GSG1L: variants seen among roughly 807,000 people sequenced by gnomAD.
GSG1L encodes germ cell-specific gene 1-like protein.
A neutral mutation model predicts 42.1 loss-of-function variants in GSG1L; 24 were observed. The ratio of observed to expected loss-of-function variants is 0.57; its 90% CI spans 0.41 to 0.80. The LOEUF is 0.80. Ranked by LOEUF, GSG1L falls within the 30% of genes least tolerant of loss-of-function variation. The probability of loss-of-function intolerance (pLI) is 0.00; values close to 1 mark genes in which losing one functional copy is unlikely to be tolerated. For synonymous variants in GSG1L, 215 were observed against 203.5 expected (o/e 1.06, Z -0.48); for missense variants, 445 against 472.2 (o/e 0.94, Z 0.53).
intron 3 of GSG1L, among the ~76,000 whole-genome samples, chr16:27,857,693 C>T (rs1207145284): frequency 6.6e-6 from 1 of 152,098 alleles, no homozygotes; most frequent in Non-Finnish European, 1.5e-5. Context: ...TGGGCGGACT[C>T]CCCCTCCCTG....
chr16:27,849,216 A>T (rs1412563539), intron 3 of GSG1L, among the ~76,000 whole-genome samples: 1 of 148,310 alleles, frequency 6.7e-6, no homozygotes, highest in Non-Finnish European at 1.5e-5. Context: ...AAAAAAAAAA[A>T]AAAAAAAGAG....
chr16:27,929,004 C>T (rs1252182956), intron 2 of GSG1L, among the ~76,000 whole-genome samples: 3 of 152,236 alleles, frequency 2.0e-5, no homozygotes, highest in Non-Finnish European at 4.4e-5. Context: ...ATGTAAGTAT[C>T]TCTTCCAGAG....
intron 2 of GSG1L, among the ~76,000 whole-genome samples, chr16:27,904,059 T>C (rs2084292085): frequency 6.6e-6 from 1 of 152,104 alleles, no homozygotes; most frequent in African/African-American, 2.4e-5. Flanking sequence ...TGAAATGCTG[T>C]TCCCCTGTGT....
intron 5 of GSG1L, among the ~76,000 whole-genome samples, chr16:27,812,225 C>A (rs1484597821): frequency 6.6e-6 from 1 of 152,124 alleles, no homozygotes; most frequent in Non-Finnish European, 1.5e-5. Flanking sequence ...ACCACAGGGA[C>A]CACCCAGAAA....
In GSG1L at chr16:28,047,358, A is replaced by G. The variant is rs574904692; in HGVS notation, c.349+15718T>C. Among the ~76,000 whole-genome samples, 25 of 152,344 alleles carry G rather than the reference A, an allele frequency of 1.6e-4. No individual in the cohort carries two copies. In the South Asian group the frequency reaches 5.2e-3, roughly 32 times the overall value. On this transcript the variant is annotated intron_variant, in intron 1 of 6. Transcript: ENST00000447459. ...TATGCATGCTTTTTAAAACATTAGT[A>G]AAGAAAAAAAGAAGCAAAACCTAAT... is the stretch of plus-strand genomic sequence containing the variant.
intron 3 of GSG1L, among the ~76,000 whole-genome samples, chr16:27,880,847 A>G (rs1231083242): frequency 6.6e-6 from 1 of 151,848 alleles, no homozygotes; most frequent in Non-Finnish European, 1.5e-5. Context: ...TGCTTGGTGC[A>G]GGGGAAGAAA....
intron 6 of GSG1L, among the ~76,000 whole-genome samples, chr16:27,806,413 G>A (rs2082962795): frequency 6.6e-6 from 1 of 152,158 alleles, no homozygotes; most frequent in South Asian, 2.1e-4. Flanking sequence ...TTCTTAGTTT[G>A]GATTCCCCAG....
intron 1 of GSG1L, among the ~76,000 whole-genome samples, chr16:27,963,473 C>G (rs918821578): frequency 6.6e-6 from 1 of 152,134 alleles, no homozygotes; most frequent in East Asian, 1.9e-4. Context: ...AGCCTCCCCC[C>G]AGAATCCACG....
At chr16:28,034,909 C>G (rs1315035643) in intron 1 of GSG1L, among the ~76,000 whole-genome samples, 1 of 152,214 alleles carries the variant, frequency 6.6e-6, no homozygotes, top group Non-Finnish European at 1.5e-5. Context: ...TAGCAAATTA[C>G]TTCTCTGACT....
intron 5 of GSG1L, among the ~76,000 whole-genome samples, chr16:27,815,988 G>A (rs2083089563): frequency 6.6e-6 from 1 of 152,102 alleles, no homozygotes; most frequent in Non-Finnish European, 1.5e-5. Context: ...ATAAATAAAT[G>A]TAAAGCTCAA....
chr16:27,943,621 C>G (rs13380779), intron 2 of GSG1L, among the ~76,000 whole-genome samples: 3,915 of 114,504 alleles, frequency 0.034, 181 homozygotes, highest in African/African-American at 0.12. Flanking sequence ...GTCACCCAGA[C>G]TGAAGTGGAA....
intron 1 of GSG1L, among the ~76,000 whole-genome samples, chr16:28,049,390 G>C (rs991087846): frequency 9.9e-5 from 15 of 152,010 alleles, no homozygotes; most frequent in African/African-American, 3.6e-4. Context: ...GACTTAAGAA[G>C]TAGAAAACTG....
intron 2 of GSG1L, among the ~76,000 whole-genome samples, chr16:27,902,320 A>G (rs1249818026): frequency 6.6e-6 from 1 of 152,164 alleles, no homozygotes; most frequent in Non-Finnish European, 1.5e-5. Flanking sequence ...GCTGTCATGA[A>G]TGCCACCAAA....
chr16:27,963,020 G>T, intron 2 of GSG1L, 136 bp downstream of exon 2: 1 of 708,826 alleles, frequency 1.4e-6, no homozygotes, highest in Non-Finnish European at 2.5e-6. Flanking sequence ...TTGCAACAGG[G>T]TGTCTGGCTC....
intron 2 of GSG1L, among the ~76,000 whole-genome samples, chr16:27,935,557 G>A (rs2084706521): frequency 6.6e-6 from 1 of 152,068 alleles, no homozygotes; most frequent in African/African-American, 2.4e-5. Flanking sequence ...CAAGATCTGG[G>A]CAGGGCTGCT....
rs548863698 is a variant in GSG1L at position 27,899,280 on chromosome 16, A to G, written c.398-14642T>C. Reference sequence around the variant, plus strand: ...GCAGTGTAGCCCAGTGTTTAAGGGCACGGCCTGGGGAGCCAGGTCACCTGC... The same window carrying G: ...GCAGTGTAGCCCAGTGTTTAAGGGCGCGGCCTGGGGAGCCAGGTCACCTGC... On this transcript the variant is annotated intron_variant, in intron 2 of 6. Transcript: ENST00000447459. Among the ~76,000 whole-genome samples the G allele has an allele frequency of 1.1e-4, 17 of 152,338 alleles. No individual in the cohort carries two copies. The East Asian group carries it at 2.9e-3, about 26-fold the overall frequency.
chr16:27,993,400 T>A (rs2085475757), intron 1 of GSG1L, among the ~76,000 whole-genome samples: 1 of 152,124 alleles, frequency 6.6e-6, no homozygotes, highest in South Asian at 2.1e-4. Flanking sequence ...TCTGCCAAAG[T>A]GCTGGGATTA....
In GSG1L at chr16:27,851,240, G is replaced by A. The variant is rs565316978; in HGVS notation, c.551-6179C>T. ...AAGACAGGGTCTCGCTCTGTTGCCC[G>A]GGCTGGAGTGTAGGAGCACCATCAT... On this transcript the variant is annotated intron_variant, in intron 3 of 6. Coordinates refer to ENST00000447459, the MANE Select transcript of GSG1L (RefSeq NM_001109763.2). Among the ~76,000 whole-genome samples the A allele has an allele frequency of 8.5e-5, 13 of 152,160 alleles. No individual in the cohort carries two copies. In the East Asian group the frequency reaches 1.7e-3, roughly 20 times the overall value.
At chr16:27,843,484 G>A (rs1017160681) in intron 4 of GSG1L, among the ~76,000 whole-genome samples, 3 of 146,140 alleles carry the variant, frequency 2.1e-5, no homozygotes, top group Admixed American at 6.8e-5. Flanking sequence ...TCCAGCCTGG[G>A]TGACAGAGCA....
Sources: allele counts gnomAD v4.1 joint callset (sites outside exome capture counted in the v4.1 genomes callset), GRCh38; gene constraint gnomAD v4.1.1; transcripts MANE v1.5; gene names NCBI Gene and HGNC (gene_info 2026-07-23, HGNC 2026-07-21).